PCDH9: variants seen among roughly 807,000 people sequenced by gnomAD.
PCDH9 encodes protocadherin 9.
A neutral mutation model predicts 70.6 loss-of-function variants in PCDH9; 24 were observed. That is an observed-to-expected ratio of 0.34 (90% confidence interval 0.25 to 0.48). The LOEUF (loss-of-function observed/expected upper bound fraction) is 0.48. PCDH9 is among the 20% of genes least tolerant of loss of function. PCDH9 has a pLI of 0.99. For missense variants in PCDH9, 1,281 were observed against 1,503.6 expected (o/e 0.85, Z 2.45); for synonymous variants, 562 against 558.5 (o/e 1.01, Z -0.09).
At chr13:66,856,031 T>G (rs1378107005) in intron 3 of PCDH9, among the ~76,000 whole-genome samples, 2 of 152,004 alleles carry the variant, frequency 1.3e-5, no homozygotes. Flanking sequence ...GGTGGATTAC[T>G]TGAATACACT....
intron 3 of PCDH9, chr13:66,825,036 T>C (rs140862967): frequency 6.6e-6 from 1 of 151,958 alleles, no homozygotes; most frequent in East Asian, 1.9e-4. Context: ...GTTTAAGATG[T>C]CCGTATTGTT....
intron 3 of PCDH9, among the ~76,000 whole-genome samples, chr13:66,648,501 ACCTTGGGGTGCC>A (rs537482085): frequency 4.3e-4 from 66 of 152,348 alleles, no homozygotes; most frequent in African/African-American, 1.3e-3. Flanking sequence ...AGTGTTACTG[ACCTTGGGGTGCC>A]CCCTAATGCA....
intron 4 of PCDH9, among the ~76,000 whole-genome samples, chr13:66,345,050 T>C (rs1291503172): frequency 6.6e-6 from 1 of 152,212 alleles, no homozygotes; most frequent in African/African-American, 2.4e-5. Flanking sequence ...TATTGTACTA[T>C]AACTCAGGGA....
chr13:66,881,417 A>G (rs2081919856), intron 3 of PCDH9, among the ~76,000 whole-genome samples: 1 of 152,110 alleles, frequency 6.6e-6, no homozygotes, highest in Admixed American at 6.6e-5. Flanking sequence ...CCACTTTTTA[A>G]AACCATCAGA....
intron 2 of PCDH9, among the ~76,000 whole-genome samples, chr13:67,187,308 C>A (rs1330565356): frequency 6.6e-6 from 1 of 152,104 alleles, no homozygotes; most frequent in Admixed American, 6.6e-5. Context: ...GCTGTCTTTC[C>A]CCGTGTCTTG....
chr13:66,933,543 G>C (rs572320795), intron 2 of PCDH9, among the ~76,000 whole-genome samples: 1 of 152,240 alleles, frequency 6.6e-6, no homozygotes, highest in East Asian at 1.9e-4. Context: ...TTAGACCCCA[G>C]TATCTAAATT....
chr13:66,637,824 G>A (rs1002607529), intron 3 of PCDH9, among the ~76,000 whole-genome samples: 7 of 151,658 alleles, frequency 4.6e-5, no homozygotes, highest in Non-Finnish European at 8.8e-5. Context: ...TTAAGCAGGA[G>A]AATGGCGTGA....
chr13:67,110,848 A>G (rs1041448048), intron 2 of PCDH9, among the ~76,000 whole-genome samples: 3 of 152,214 alleles, frequency 2.0e-5, no homozygotes, highest in East Asian at 1.9e-4. Context: ...TTCTCACCCA[A>G]TGCAACCTAT....
chr13:66,637,588 A>G (rs2138954109), intron 3 of PCDH9, among the ~76,000 whole-genome samples: 2 of 152,312 alleles, frequency 1.3e-5, no homozygotes, highest in South Asian at 4.1e-4. Context: ...TGTAGAAATC[A>G]CATCCTTTTT....
chr13:66,306,004 G>A (rs772698119), intron 4 of PCDH9, among the ~76,000 whole-genome samples: 1 of 151,980 alleles, frequency 6.6e-6, no homozygotes. Flanking sequence ...CTTTGTTGCT[G>A]TTGTCTTACC....
chr13:66,851,186 A>C (rs2081308953), intron 3 of PCDH9, among the ~76,000 whole-genome samples: 3 of 152,208 alleles, frequency 2.0e-5, no homozygotes. Context: ...TTTTCCTTTG[A>C]ATTCTGCAAC....
At chr13:66,568,723 G>T (rs1274955069) in intron 4 of PCDH9, among the ~76,000 whole-genome samples, 1 of 151,196 alleles carries the variant, frequency 6.6e-6, no homozygotes, top group Non-Finnish European at 1.5e-5. Flanking sequence ...GAGTAATCCA[G>T]ATGTCACTTT....
At chr13:66,793,081 A>G (rs548866421) in intron 3 of PCDH9, among the ~76,000 whole-genome samples, 3 of 151,868 alleles carry the variant, frequency 2.0e-5, no homozygotes, top group East Asian at 1.9e-4. Flanking sequence ...CAATTTTAAA[A>G]TTTCATAATA....
intron 2 of PCDH9, among the ~76,000 whole-genome samples, chr13:67,084,997 A>AAATATATATAT (rs1566414172): frequency 3.0e-5 from 1 of 33,200 alleles, no homozygotes; most frequent in Non-Finnish European, 5.2e-5. Context: ...AAAAAAAAAA[A>AAATATATATAT]ATATATATAT....
intron 3 of PCDH9, among the ~76,000 whole-genome samples, chr13:66,775,207 G>A (rs759479484): frequency 6.6e-6 from 1 of 152,178 alleles, no homozygotes; most frequent in Non-Finnish European, 1.5e-5. Flanking sequence ...ATTTATTAGT[G>A]TCTTAGGAAG....
intron 2 of PCDH9, chr13:67,220,015 T>C (rs546149511): frequency 6.6e-6 from 1 of 151,974 alleles, no homozygotes; most frequent in South Asian, 2.1e-4. Flanking sequence ...AACTGAGAAG[T>C]ATTGTAAAAG....
At chr13:66,380,961 C>T (rs535197609) in intron 4 of PCDH9, among the ~76,000 whole-genome samples, 1 of 152,230 alleles carries the variant, frequency 6.6e-6, no homozygotes, top group East Asian at 1.9e-4. Context: ...AAGTAATACG[C>T]GTGTCAACTT....
At chr13:66,373,919 T>A (rs1259297007) in intron 4 of PCDH9, among the ~76,000 whole-genome samples, 2 of 152,110 alleles carry the variant, frequency 1.3e-5, no homozygotes, top group Non-Finnish European at 2.9e-5. Context: ...TAATACCTGC[T>A]TATATCATAG....
At chr13:67,019,746 G>A (rs990002691) in intron 2 of PCDH9, among the ~76,000 whole-genome samples, 4 of 152,092 alleles carry the variant, frequency 2.6e-5, no homozygotes, top group African/African-American at 9.7e-5. Flanking sequence ...TGACAGGGAC[G>A]GGGATTACCA....
Sources: gnomAD v4.1 joint callset for allele counts (sites outside exome capture counted in the v4.1 genomes callset) on GRCh38, gnomAD v4.1.1 for gene constraint, MANE v1.5 for transcripts, NCBI Gene and HGNC (gene_info 2026-07-23, HGNC 2026-07-21) for gene names.